CCDC171: variants seen among roughly 807,000 people sequenced by gnomAD.
The protein encoded by CCDC171 is coiled-coil domain-containing protein 171.
In CCDC171, 177 loss-of-function variants were observed where a neutral mutation model predicts 168.2. The observed-to-expected ratio is 1.05, with a 90% confidence interval of 0.93 to 1.19. The LOEUF (loss-of-function observed/expected upper bound fraction) is 1.19, where lower values mean the gene tolerates loss of function less well. CCDC171 is among the 50% of genes most tolerant of loss of function. CCDC171 has a pLI of 0.00. For synonymous variants in CCDC171, 687 were observed against 540.8 expected (o/e 1.27, Z -3.75); for missense variants, 1,991 against 1,539.0 (o/e 1.29, Z -4.91).
chr9:15,556,120 G>C (rs200732320), intron 1 of CCDC171, among the ~76,000 whole-genome samples: 3 of 152,110 alleles, frequency 2.0e-5, no homozygotes, highest in Admixed American at 6.6e-5. Flanking sequence ...TGTTTGCTAT[G>C]GTGAATGGTG....
intron 2 of CCDC171, among the ~76,000 whole-genome samples, chr9:15,570,786 C>G (rs2040162541): frequency 6.6e-6 from 1 of 152,122 alleles, no homozygotes; most frequent in African/African-American, 2.4e-5. Context: ...GCGCTCTTTC[C>G]TTATATAACT....
intron 11 of CCDC171, among the ~76,000 whole-genome samples, chr9:15,710,759 C>A (rs1307005757): frequency 6.6e-6 from 1 of 151,988 alleles, no homozygotes; most frequent in Non-Finnish European, 1.5e-5. Flanking sequence ...ACACGTACAG[C>A]TAATTTTTGT....
chr9:15,608,904 C>G (rs1392263067), intron 6 of CCDC171, among the ~76,000 whole-genome samples: 7 of 119,578 alleles, frequency 5.9e-5, no homozygotes, highest in African/African-American at 1.9e-4. Flanking sequence ...GCTGCATTGT[C>G]CTATGATCAC....
At chr9:15,934,866 A>G (rs771237495) in intron 25 of CCDC171, among the ~76,000 whole-genome samples, 44 of 152,092 alleles carry the variant, frequency 2.9e-4, no homozygotes, top group Non-Finnish European at 4.7e-4. Context: ...ACATGGATGC[A>G]CTGTGAAATC....
At chr9:15,880,626 G>GTTTT (rs57349228) in intron 24 of CCDC171, among the ~76,000 whole-genome samples, 1 of 116,110 alleles carries the variant, frequency 8.6e-6, no homozygotes, top group Non-Finnish European at 1.8e-5. Flanking sequence ...CCGCCTAATT[G>GTTTT]TTTTTTTTTT....
chr9:15,608,985 TTTAA>T (rs1211062418), intron 6 of CCDC171, among the ~76,000 whole-genome samples: 6 of 147,282 alleles, frequency 4.1e-5, no homozygotes, highest in Non-Finnish European at 4.5e-5. Context: ...GTGGTTTTTT[TTTAA>T]AAAATATATT....
intron 3 of CCDC171, among the ~76,000 whole-genome samples, chr9:16,004,962 C>T (rs1564114342): frequency 6.6e-6 from 1 of 151,986 alleles, no homozygotes; most frequent in African/African-American, 2.4e-5. Flanking sequence ...TATTATATAT[C>T]GCATAGATAC....
In CCDC171 at chr9:15,980,974, C is replaced by T. The variant is rs746861464; in HGVS notation, n.369-39615C>T. Among the ~76,000 whole-genome samples, 56 of 152,160 alleles carry T rather than the reference C, an allele frequency of 3.7e-4. 1 individual carries two copies. The highest frequency in any genetic ancestry group is 9.2e-4 in the Admixed American group (14 of 15,270). ...AATCATGGTGGAAGGCAAGAAAGAG[C>T]AAGTCACGTCTTACATGGATGGCAG... On this transcript the variant is annotated intron_variant and non_coding_transcript_variant, in intron 3 of 9. Coordinates refer to the CCDC171 transcript ENST00000486641.
At chr9:16,024,347 T>G (rs1217860607) in intron 6 of CCDC171, among the ~76,000 whole-genome samples, 6 of 152,200 alleles carry the variant, frequency 3.9e-5, no homozygotes, top group Admixed American at 3.3e-4. Context: ...ATAATCAAAC[T>G]TAGAGCATCC....
At chr9:15,999,532 G>A (rs533021683) in intron 3 of CCDC171, among the ~76,000 whole-genome samples, 4 of 152,268 alleles carry the variant, frequency 2.6e-5, no homozygotes, top group African/African-American at 9.6e-5. Context: ...TCTATCCATC[G>A]AAGCAGTCCT....
chr9:16,020,999 T>C (rs10810516), intron 4 of CCDC171, among the ~76,000 whole-genome samples: 4,110 of 152,356 alleles, frequency 0.027, 77 homozygotes, highest in Non-Finnish European at 0.036. Flanking sequence ...CACTGATGAA[T>C]AGCAAAGACA....
At chr9:16,021,795 A>G (rs1426685581) in intron 4 of CCDC171, among the ~76,000 whole-genome samples, 2 of 152,190 alleles carry the variant, frequency 1.3e-5, no homozygotes, top group South Asian at 2.1e-4. Flanking sequence ...ATGTCCCCCT[A>G]TCTCTGTACT....
intron 7 of CCDC171, among the ~76,000 whole-genome samples, chr9:15,642,996 A>G (rs1164528021): frequency 6.6e-6 from 1 of 152,256 alleles, no homozygotes; most frequent in Middle Eastern, 3.4e-3. Context: ...TGCTTTTTGG[A>G]ATCTGAGAAA....
At chr9:16,036,902 T>A (rs186934527) in intron 8 of CCDC171, among the ~76,000 whole-genome samples, 26 of 152,250 alleles carry the variant, frequency 1.7e-4, no homozygotes, top group African/African-American at 5.3e-4. Flanking sequence ...GGACATGATG[T>A]TAAGTGAGAT....
At chr9:15,559,038 C>T (rs1444403100) in intron 1 of CCDC171, among the ~76,000 whole-genome samples, 5 of 152,106 alleles carry the variant, frequency 3.3e-5, no homozygotes, top group Admixed American at 6.6e-5. Flanking sequence ...CGTAGTTGAG[C>T]GGTTGTGAGT....
intron 3 of CCDC171, among the ~76,000 whole-genome samples, chr9:16,005,064 C>G (rs968174793): frequency 1.3e-5 from 2 of 152,092 alleles, no homozygotes; most frequent in African/African-American, 4.8e-5. Flanking sequence ...GTGTACAATT[C>G]AATGATACAG....
At position 15,676,635 on chromosome 9, in the gene CCDC171, C is replaced by G. The variant is rs539266439; in HGVS notation, c.1077-2123C>G. 9.2e-5 allele frequency among the ~76,000 whole-genome samples: 14 copies of G among 152,174 alleles called. No individual in the cohort carries two copies. The South Asian group carries it at 2.7e-3, about 29-fold the overall frequency. ...CCTCTAATTCTCTTGTATTTTGGAT[C>G]TCTTTTTGATAATCTTGTGCCTTAT... On this transcript the variant is annotated intron_variant, in intron 9 of 25. Transcript: ENST00000380701.
intron 7 of CCDC171, among the ~76,000 whole-genome samples, chr9:15,634,041 G>T (rs1226180630): frequency 6.6e-6 from 1 of 152,046 alleles, no homozygotes; most frequent in Non-Finnish European, 1.5e-5. Flanking sequence ...GGGGAGAGGG[G>T]GGCGGGATAG....
chr9:15,843,661 T>C (rs1206017928), intron 21 of CCDC171, among the ~76,000 whole-genome samples: 1 of 152,124 alleles, frequency 6.6e-6, no homozygotes, highest in African/African-American at 2.4e-5. Flanking sequence ...TCTTCCTTTC[T>C]ACCTAATTGG....
Sources: gnomAD v4.1 joint callset for allele counts (sites outside exome capture counted in the v4.1 genomes callset) on GRCh38, gnomAD v4.1.1 for gene constraint, MANE v1.5 for transcripts, NCBI Gene and HGNC (gene_info 2026-07-23, HGNC 2026-07-21) for gene names.